The following ZWILCH variants were observed in gnomAD, a reference collection of about 807,000 sequenced individuals.
The protein encoded by ZWILCH is zwilch kinetochore protein.
In ZWILCH, 74 loss-of-function variants were observed where a neutral mutation model predicts 79.9. The observed-to-expected ratio is 0.93, with a 90% CI of 0.77 to 1.12. The LOEUF (loss-of-function observed/expected upper bound fraction) is 1.12. Ranked by LOEUF, ZWILCH falls within the 50% of genes most tolerant of loss-of-function variation. ZWILCH has a pLI of 0.00. For missense variants in ZWILCH, 694 were observed against 687.5 expected (o/e 1.01, Z -0.11); for synonymous variants, 241 against 228.2 (o/e 1.06, Z -0.51).
chr15:66,510,818 C>G (rs1371654213), intron 2 of ZWILCH, among the ~76,000 whole-genome samples: 2 of 152,196 alleles, frequency 1.3e-5, no homozygotes, highest in African/African-American at 4.8e-5. Context: ...TCACTCAAAT[C>G]TCTGCTTCTG....
At chr15:66,511,513 TAAAA>T (rs1259020892) in intron 2 of ZWILCH, among the ~76,000 whole-genome samples, 1 of 149,334 alleles carries the variant, frequency 6.7e-6, no homozygotes, top group Admixed American at 6.7e-5. Context: ...AAAAAAAAGA[TAAAA>T]AGAAACTGTT....
At chr15:66,535,675 CAAA>C (rs35287244) in intron 14 of ZWILCH, among the ~76,000 whole-genome samples, 14 of 103,590 alleles carry the variant, frequency 1.4e-4, no homozygotes, top group South Asian at 3.3e-4. Context: ...GACCCTGTCT[CAAA>C]AAAAAAAAAA....
intron 16 of ZWILCH, among the ~76,000 whole-genome samples, 154 bp downstream of exon 16, chr15:66,537,417 G>A (rs1312829272): frequency 6.6e-6 from 1 of 151,550 alleles, no homozygotes; most frequent in Admixed American, 6.6e-5. Context: ...ATAGCTGGGC[G>A]TGGTGGCTCA....
intron 5 of ZWILCH, 87 bp from the exon 6 acceptor site, chr15:66,520,503 T>C (rs35497031): frequency 0.069 from 48,449 of 704,612 alleles, 1,973 homozygotes; most frequent in Middle Eastern, 0.13. Flanking sequence ...TTGTGGTACA[T>C]TGAGAATGTG....
chr15:66,516,003 G>A (rs1476576916), intron 4 of ZWILCH, among the ~76,000 whole-genome samples: 1 of 152,184 alleles, frequency 6.6e-6, no homozygotes, highest in Non-Finnish European at 1.5e-5. Context: ...TTGGCTTCAT[G>A]ATAAAACCCA....
rs575321980 is a variant in ZWILCH, at chr15:66,529,498, G to T, written c.1080G>T (p.Val360=). The stretch of plus-strand genomic sequence containing the variant: ...TACACTGACTTGTTTTCCAAGGTGT[G>T]ATTTCATACCAAGACTTGGTGAAGT... ...EQLWCKMSSS[V]ISYQDLVKCF... Residue 360 remains valine (V), a synonymous_variant, in exon 12 of 19, where the codon GTG becomes GTT. Transcript: ENST00000307897. The T allele has an allele frequency of 1.8e-5, 29 of 1,613,172 alleles. No individual in the cohort carries two copies. The South Asian group carries it at 2.6e-4, about 15-fold the overall frequency.
At chr15:66,515,796 T>C (rs1261325067) in intron 4 of ZWILCH, 152 bp downstream of exon 4, 24 of 665,588 alleles carry the variant, frequency 3.6e-5, no homozygotes, top group Non-Finnish European at 6.2e-5. Context: ...ATAGTTCTAC[T>C]TGAATATTTG....
At chr15:66,537,796 A>G (rs2140800456) in intron 16 of ZWILCH, among the ~76,000 whole-genome samples, 1 of 152,266 alleles carries the variant, frequency 6.6e-6, no homozygotes, top group South Asian at 2.1e-4. Context: ...TAGGGACCTC[A>G]TGACCCAGAG....
chr15:66,507,384 C>T (rs923009506), intron 1 of ZWILCH, among the ~76,000 whole-genome samples: 4 of 152,176 alleles, frequency 2.6e-5, no homozygotes, highest in African/African-American at 9.7e-5. Context: ...CATCCATGCT[C>T]TTTTCATTCA....
chr15:66,544,035 G>A (rs2140812585), intron 17 of ZWILCH, among the ~76,000 whole-genome samples: 1 of 152,284 alleles, frequency 6.6e-6, no homozygotes, highest in East Asian at 1.9e-4. Flanking sequence ...CAAGGCGGGT[G>A]GATCACCTGA....
At chr15:66,506,919 C>T (rs1893850323) in intron 1 of ZWILCH, among the ~76,000 whole-genome samples, 1 of 148,774 alleles carries the variant, frequency 6.7e-6, no homozygotes, top group East Asian at 2.0e-4. Context: ...TGCAGTGGTG[C>T]GATTTTGGCT....
At chr15:66,540,282 C>G in intron 17 of ZWILCH, 72 bp downstream of exon 17, 1 of 1,260,374 alleles carries the variant, frequency 7.9e-7, no homozygotes, top group Non-Finnish European at 1.1e-6. Flanking sequence ...CTGGGCACAG[C>G]GGCTCACGCC....
chr15:66,505,640 C>G (rs920600314), intron 1 of ZWILCH: 8 of 527,616 alleles, frequency 1.5e-5, no homozygotes, highest in Non-Finnish European at 2.3e-5. Flanking sequence ...TTCCAAGAGG[C>G]GATTTATTCT....
Position 66,532,266 on chromosome 15 carries a change from GT to G in ZWILCH, c.1178del (p.Leu393TyrfsTer2), listed in dbSNP as rs764239556. On this transcript the variant is annotated frameshift_variant, in exon 13 of 19. Transcript: ENST00000307897. LOFTEE classifies it high-confidence loss of function. ...IQPWLHSGSN[S>X]LLSKLIHQSY... ...TTCTAGCTCCATAGTGGAAGTAACAGTTTACTAAGTAAGCTCATTCATCAGT... is the reference window on the plus strand; with the variant it reads ...TTCTAGCTCCATAGTGGAAGTAACAGTTACTAAGTAAGCTCATTCATCAGT... 6.3e-7 allele frequency: 1 copy of G among 1,595,588 alleles called. No individual in the cohort carries two copies. The highest frequency in any genetic ancestry group is 8.5e-7 in the Non-Finnish European group (1 of 1,172,900).
chr15:66,510,709 A>G (rs1052502405), intron 2 of ZWILCH, among the ~76,000 whole-genome samples: 1 of 152,324 alleles, frequency 6.6e-6, no homozygotes, highest in South Asian at 2.1e-4. Context: ...CAGCAAGTGC[A>G]TGCTCTTCCT....
chr15:66,535,494 G>C (rs1894984383), intron 14 of ZWILCH, among the ~76,000 whole-genome samples: 2 of 151,952 alleles, frequency 1.3e-5, no homozygotes, highest in South Asian at 4.2e-4. Flanking sequence ...TGGGCAACGT[G>C]GTGAATTCCT....
chr15:66,544,463 C>T (rs1320952204), intron 17 of ZWILCH, among the ~76,000 whole-genome samples: 1 of 151,650 alleles, frequency 6.6e-6, no homozygotes, highest in Non-Finnish European at 1.5e-5. Flanking sequence ...TCCCAAGTAG[C>T]TTGGGACTAT....
At chr15:66,514,596 A>ACCACACCC (rs1435566622) in intron 3 of ZWILCH, 1 of 153,300 alleles carries the variant, frequency 6.5e-6, no homozygotes, top group Non-Finnish European at 1.5e-5. Flanking sequence ...GGGGTGAGCC[A>ACCACACCC]CCACGCCCTG....
intron 14 of ZWILCH, 124 bp from the exon 15 acceptor site, chr15:66,535,809 C>CTTTT: frequency 1.6e-6 from 1 of 616,894 alleles, no homozygotes; most frequent in Non-Finnish European, 2.5e-6. Flanking sequence ...TTCTTCTGGT[C>CTTTT]TTTTTTTTTT....
Sources: allele counts gnomAD v4.1 joint callset (sites outside exome capture counted in the v4.1 genomes callset), GRCh38; gene constraint gnomAD v4.1.1; transcripts MANE v1.5; gene names NCBI Gene and HGNC (gene_info 2026-07-23, HGNC 2026-07-21).